The following ADCYAP1 variants were observed in gnomAD, a reference collection of about 807,000 sequenced individuals.
The protein encoded by ADCYAP1 is adenylate cyclase activating polypeptide 1.
A neutral mutation model predicts 18.5 loss-of-function variants in ADCYAP1; 6 were observed. The observed-to-expected ratio is 0.32, with a 90% CI of 0.18 to 0.64. The LOEUF (loss-of-function observed/expected upper bound fraction) is 0.64, where lower values mean the gene tolerates loss of function less well. ADCYAP1 is among the 30% of genes least tolerant of loss of function. The probability of loss-of-function intolerance (pLI) is 0.77; values close to 1 mark genes in which losing one functional copy is unlikely to be tolerated. For missense variants in ADCYAP1, 314 were observed against 253.6 expected (o/e 1.24, Z -1.62); for synonymous variants, 136 against 113.9 (o/e 1.19, Z -1.24).
upstream of ADCYAP1, chr18:904,818 T>C: frequency 7.8e-7 from 1 of 1,286,186 alleles, no homozygotes; most frequent in Non-Finnish European, 1.0e-6. Context: ...CTGCGCCCCC[T>C]TCTCTCCGTG....
chr18:907,760 C>T lies in ADCYAP1; in HGVS notation c.212C>T (p.Ala71Val). 6 of 1,498,100 alleles carry T rather than the reference C, an allele frequency of 4.0e-6. No individual in the cohort carries two copies. The highest frequency in any genetic ancestry group is 5.3e-6 in the Non-Finnish European group (6 of 1,131,672). The allele number at this position is 1,498,100 out of a possible 1,614,324, so 92.8% of individuals were successfully genotyped here. A position where few individuals can be genotyped will look rare whatever the true frequency, so the allele number is the denominator to read the frequency against. ...AGCCCCGCCTCCGCGCCGCGCGCCGCCGCCGCCTGGTACCGCCCGGCCGGG... is the reference window on the plus strand; with the variant it reads ...AGCCCCGCCTCCGCGCCGCGCGCCGTCGCCGCCTGGTACCGCCCGGCCGGG... Reference protein sequence around the residue: ...AGSPASAPRAAAAWYRPAGRR... With the variant: ...AGSPASAPRAVAAWYRPAGRR... Residue 71 changes from alanine to valine, a missense_variant, in exon 3 of 5, where the codon GCC becomes GTC. By Grantham distance (64) the Ala-to-Val change is moderately conservative. Transcript: ENST00000450565.
upstream of ADCYAP1, chr18:904,418 G>T: frequency 2.3e-6 from 3 of 1,281,606 alleles, no homozygotes; most frequent in Non-Finnish European, 3.0e-6. Context: ...AAAATATTCT[G>T]TACTTAAAGG....
Position 909,740 on chromosome 18 carries a change from T to C in ADCYAP1, c.*105T>C. 1 of 995,624 alleles carries C rather than the reference T, an allele frequency of 1.0e-6. No homozygotes were observed. The highest frequency in any genetic ancestry group is 1.4e-6 in the Non-Finnish European group (1 of 692,342). The allele number at this position is 995,624 out of a possible 1,614,324, so 61.7% of individuals were successfully genotyped here. On this transcript the variant is annotated 3_prime_UTR_variant, in exon 5 of 5. Transcript: ENST00000450565. ...CTCGTGTGTTCTATCCAAACATGTA[T>C]TTATGTAATGAAGTAAAGCCATTAA...
chr18:904,542 G>C, upstream of ADCYAP1: 3 of 1,289,102 alleles, frequency 2.3e-6, no homozygotes, highest in Non-Finnish European at 3.0e-6. Flanking sequence ...TGTAACCAGC[G>C]GTAGCAGCAG....
chr18:905,621 C>T lies in ADCYAP1; in HGVS notation c.110+125C>T, dbSNP rs1909139265. 3.5e-6 allele frequency: 4 copies of T among 1,156,666 alleles called. No individual in the cohort carries two copies. The East Asian group carries it at 7.9e-5, about 23-fold the overall frequency. 71.7% of individuals were successfully genotyped at this position (1,156,666 alleles called of 1,614,324 possible). ...AGCATCGCCCTCTGCGCCCCCGGTG[C>T]GCCTCCGCCAGCCTCGGCTGGACAG... is the stretch of plus-strand genomic sequence containing the variant. On this transcript the variant is annotated intron_variant, in intron 2 of 4. Transcript: ENST00000450565.
chr18:908,462 G>T (rs751090918), intron 4 of ADCYAP1, 99 bp downstream of exon 4: 16 of 986,664 alleles, frequency 1.6e-5, no homozygotes, highest in Non-Finnish European at 2.1e-5. Flanking sequence ...GGGCCAGGGT[G>T]AGTCTGCGCC....
rs190047341 is a variant in ADCYAP1, at chr18:909,663, A to G, written c.*28A>G. 6 of 1,600,974 alleles carry G rather than the reference A, an allele frequency of 3.7e-6. No homozygotes were observed. The highest frequency in any genetic ancestry group is 1.7e-5 in the Admixed American group (1 of 59,484). On this transcript the variant is annotated 3_prime_UTR_variant, in exon 5 of 5. Transcript: ENST00000450565. The stretch of plus-strand genomic sequence containing the variant: ...ATGGGTTACCAGCTACCCTGTGTAT[A>G]CAGCCCTGACGCAATGAAAAGTCGT...
At chr18:907,984 C>T (rs1567854311) in intron 3 of ADCYAP1, 194 bp downstream of exon 3, 1 of 1,093,608 alleles carries the variant, frequency 9.1e-7, no homozygotes, top group African/African-American at 1.6e-5. Flanking sequence ...GACCTGAGGG[C>T]CGCGTGGGGA....
Position 905,391 on chromosome 18 carries a change from C to G in ADCYAP1, c.5C>G (p.Thr2Ser), listed in dbSNP as rs779385024. MTMCSGARLALL... is the reference protein window; with the variant it reads MSMCSGARLALL... ...CTCTTTCCCATCCTGCGCAGAATGA[C>G]CATGTGTAGCGGAGCGAGGCTGGCC... Residue 2 changes from threonine (T) to serine (S), a missense_variant, in exon 2 of 5, where the codon ACC becomes AGC. Physicochemically the swap from Thr to Ser is moderately conservative, Grantham distance 58 (BLOSUM62 1). Coordinates refer to ENST00000450565, the MANE Select transcript of ADCYAP1 (RefSeq NM_001099733.2). 5 of 1,613,088 alleles carry G rather than the reference C, an allele frequency of 3.1e-6. No individual in the cohort carries two copies. The highest frequency in any genetic ancestry group is 4.2e-6 in the Non-Finnish European group (5 of 1,180,000).
In ADCYAP1 at chr18:905,542, G is replaced by C. The variant is rs781723482; in HGVS notation, c.110+46G>C. ...CCAAGCAGGAGCTGGGGCTTCCCAG[G>C]CACAGACGCTTCCTCACGGTCTCCT... On this transcript the variant is annotated intron_variant, in intron 2 of 4. Transcript: ENST00000450565. 2.5e-6 allele frequency: 4 copies of C among 1,592,784 alleles called. No homozygotes were observed. In the South Asian group the frequency reaches 4.4e-5, roughly 18 times the overall value.
At position 905,578 on chromosome 18, in the gene ADCYAP1, C is replaced by A. The variant is rs938302041; in HGVS notation, c.110+82C>A. On this transcript the variant is annotated intron_variant, in intron 2 of 4. Transcript: ENST00000450565. Reference sequence around the variant, plus strand: ...TCCTCACGGTCTCCTTCCTGCAGTCCTTTGGGTCCAGACTACTAGCATCGC... The same window carrying A: ...TCCTCACGGTCTCCTTCCTGCAGTCATTTGGGTCCAGACTACTAGCATCGC... The A allele has an allele frequency of 2.6e-6, 4 of 1,512,838 alleles. No homozygotes were observed. In the East Asian group the frequency reaches 6.9e-5, roughly 26 times the overall value. The allele number at this position is 1,512,838 out of a possible 1,614,324, so 93.7% of individuals were successfully genotyped here.
At chr18:904,855 C>G, upstream of ADCYAP1, 2 of 1,286,714 alleles carry the variant, frequency 1.6e-6, no homozygotes, top group South Asian at 1.2e-5. Flanking sequence ...TTCTGCGCGT[C>G]TACAAACTTT....
chr18:904,651 G>T (rs1909087362), upstream of ADCYAP1: 2 of 1,229,712 alleles, frequency 1.6e-6, no homozygotes, highest in Middle Eastern at 3.1e-4. Flanking sequence ...ACAAAGGCGG[G>T]CTAGCCGCCC....
At chr18:908,396 G>T in intron 4 of ADCYAP1, 33 bp downstream of exon 4, 1 of 1,582,650 alleles carries the variant, frequency 6.3e-7, no homozygotes, top group Non-Finnish European at 8.6e-7. Flanking sequence ...ACCTGCGCGC[G>T]CCGGGGTGGG....
rs1182962521 is a variant in ADCYAP1 at position 909,745 on chromosome 18, G to A, written c.*110G>A. The A allele has an allele frequency of 2.1e-5, 19 of 924,870 alleles. No individual in the cohort carries two copies. The highest frequency in any genetic ancestry group is 3.0e-5 in the Non-Finnish European group (19 of 634,318). The allele number at this position is 924,870 out of a possible 1,614,324, so 57.3% of individuals were successfully genotyped here. On this transcript the variant is annotated 3_prime_UTR_variant, in exon 5 of 5. Coordinates refer to ENST00000450565, the MANE Select transcript of ADCYAP1 (RefSeq NM_001099733.2). ...GTGTTCTATCCAAACATGTATTTAT[G>A]TAATGAAGTAAAGCCATTAAATGAA...
chr18:908,535 A>G (rs963942904), intron 4 of ADCYAP1, among the ~76,000 whole-genome samples, 172 bp downstream of exon 4: 6 of 152,106 alleles, frequency 3.9e-5, no homozygotes, highest in Non-Finnish European at 5.9e-5. Context: ...GGCACTTTAA[A>G]TTTGCCCAGA....
In ADCYAP1 at chr18:909,711, A is replaced by C; in HGVS notation, c.*76A>C. 1 of 1,358,624 alleles carries C rather than the reference A, an allele frequency of 7.4e-7. No homozygotes were observed. The highest frequency in any genetic ancestry group is 1.3e-5 in the South Asian group (1 of 74,746). The allele number at this position is 1,358,624 out of a possible 1,614,324, so 84.2% of individuals were successfully genotyped here. ...CGTTTTCCAAACTGACTCAACAGTC[A>C]TCGCTCGTGTGTTCTATCCAAACAT... On this transcript the variant is annotated 3_prime_UTR_variant, in exon 5 of 5. Coordinates refer to ENST00000450565, the MANE Select transcript of ADCYAP1 (RefSeq NM_001099733.2).
At chr18:905,801 G>C (rs1909149085) in intron 2 of ADCYAP1, 1 of 463,314 alleles carries the variant, frequency 2.2e-6, no homozygotes, top group Non-Finnish European at 3.9e-6. Context: ...ATGGGGGCAG[G>C]GCACGGCCCC....
chr18:907,989 T>C, intron 3 of ADCYAP1, 199 bp downstream of exon 3: 1 of 1,063,080 alleles, frequency 9.4e-7, no homozygotes, highest in Admixed American at 3.1e-5. Context: ...GAGGGCCGCG[T>C]GGGGACCGAG....
Sources: allele counts gnomAD v4.1 joint callset (sites outside exome capture counted in the v4.1 genomes callset), GRCh38; gene constraint gnomAD v4.1.1; transcripts MANE v1.5; gene names NCBI Gene and HGNC (gene_info 2026-07-23, HGNC 2026-07-21).